Variants in FBXW7 observed in about 807,000 individuals in gnomAD.
FBXW7 encodes F-box/WD repeat-containing protein 7.
FBXW7 carries 11 observed loss-of-function variants against 86.3 expected under a neutral mutation model. The ratio of observed to expected loss-of-function variants is 0.13; its 90% confidence interval spans 0.08 to 0.21. FBXW7 has a LOEUF of 0.21. FBXW7 is among the 10% of genes least tolerant of loss of function. The probability of loss-of-function intolerance (pLI) is 1.00; values close to 1 mark genes in which losing one functional copy is unlikely to be tolerated. For synonymous variants in FBXW7, 313 were observed against 297.9 expected (o/e 1.05, Z -0.52); for missense variants, 488 against 847.4 (o/e 0.58, Z 5.27).
chr4:152,453,705 AT>A (rs1288884789), intron 2 of FBXW7, among the ~76,000 whole-genome samples: 3 of 152,196 alleles, frequency 2.0e-5, no homozygotes, highest in African/African-American at 7.2e-5. Flanking sequence ...ATTTAAGAAC[AT>A]TTTTTAAATG....
intron 2 of FBXW7, among the ~76,000 whole-genome samples, chr4:152,505,364 G>A (rs144506933): frequency 3.9e-4 from 59 of 151,932 alleles, no homozygotes; most frequent in Non-Finnish European, 7.4e-4. Flanking sequence ...TCTTTCTTCC[G>A]TAATAACCTC....
chr4:152,489,664 A>G (rs1427842499), intron 2 of FBXW7, among the ~76,000 whole-genome samples: 1 of 152,122 alleles, frequency 6.6e-6, no homozygotes, highest in African/African-American at 2.4e-5. Context: ...GTTGCAGTTA[A>G]AGTCAACAGG....
At chr4:152,323,529 CA>C (rs1393536911) in intron 13 of FBXW7, 2 of 211,296 alleles carry the variant, frequency 9.5e-6, no homozygotes, top group African/African-American at 4.6e-5. Context: ...ATGAACCACT[CA>C]AAGCTGAACA....
Position 152,535,399 on chromosome 4 carries a change from T to G in FBXW7, c.-485A>C. The G allele has an allele frequency of 2.6e-6, 1 of 380,926 alleles. No homozygotes were observed. The highest frequency in any genetic ancestry group is 3.7e-5 in the East Asian group (1 of 26,982). 23.6% of individuals were successfully genotyped at this position (380,926 alleles called of 1,614,324 possible). On this transcript the variant is annotated 5_prime_UTR_variant, in exon 1 of 14. Coordinates refer to ENST00000281708, the MANE Select transcript of FBXW7 (RefSeq NM_001349798.2). ...AAGGGAGAAGACCCCCGGAGGGGGC[T>G]GAGGGGAGGGGGAAGGTGAGGAAAG...
chr4:152,475,387 G>A (rs577035686), intron 2 of FBXW7, among the ~76,000 whole-genome samples: 2 of 152,008 alleles, frequency 1.3e-5, no homozygotes, highest in African/African-American at 4.8e-5. Flanking sequence ...TGATCATACC[G>A]GTGCACTCCA....
intron 2 of FBXW7, among the ~76,000 whole-genome samples, chr4:152,476,130 C>T (rs545501724): frequency 3.9e-5 from 6 of 152,230 alleles, no homozygotes; most frequent in Admixed American, 6.5e-5. Flanking sequence ...AGGACACACA[C>T]AGAAATCAAC....
chr4:152,507,908 C>T (rs1050564744), intron 2 of FBXW7, among the ~76,000 whole-genome samples: 13 of 149,486 alleles, frequency 8.7e-5, no homozygotes, highest in Admixed American at 4.7e-4. Flanking sequence ...AAAAAAAAGG[C>T]GAAAACTAGC....
At chr4:152,412,760 T>C (rs1461239878) in intron 2 of FBXW7, among the ~76,000 whole-genome samples, 1 of 152,088 alleles carries the variant, frequency 6.6e-6, no homozygotes, top group Non-Finnish European at 1.5e-5. Context: ...GGGAAAATGC[T>C]GGAAATTGTG....
chr4:152,453,039 C>A (rs942372276), intron 2 of FBXW7, among the ~76,000 whole-genome samples: 30 of 152,194 alleles, frequency 2.0e-4, no homozygotes, highest in African/African-American at 7.0e-4. Flanking sequence ...AAAAAATTAG[C>A]CAGGCGTGGT....
intron 2 of FBXW7, among the ~76,000 whole-genome samples, chr4:152,492,971 G>C (rs1376119651): frequency 6.6e-6 from 1 of 151,692 alleles, no homozygotes; most frequent in Non-Finnish European, 1.5e-5. Flanking sequence ...TTCATAAATG[G>C]AAATCAAAGT....
intron 2 of FBXW7, among the ~76,000 whole-genome samples, chr4:152,521,368 G>C (rs1294780742): frequency 6.6e-6 from 1 of 152,094 alleles, no homozygotes; most frequent in Non-Finnish European, 1.5e-5. Context: ...ATTCCAAGCA[G>C]AGGAAACAGC....
chr4:152,461,938 A>T (rs148760462), intron 2 of FBXW7, among the ~76,000 whole-genome samples: 9 of 150,710 alleles, frequency 6.0e-5, no homozygotes, highest in Middle Eastern at 3.4e-3. Context: ...CTGCTTTGTT[A>T]TACAACTGAT....
At chr4:152,361,006 C>T (rs1224845579) in intron 4 of FBXW7, among the ~76,000 whole-genome samples, 2 of 151,852 alleles carry the variant, frequency 1.3e-5, no homozygotes, top group Middle Eastern at 3.2e-3. Flanking sequence ...TAACTTGAAC[C>T]AATCTTTTAA....
rs1237709556 is a variant in FBXW7 at position 152,502,959 on chromosome 4, A to G, written c.-120+31982T>C. Among the ~76,000 whole-genome samples the G allele has an allele frequency of 3.3e-5, 5 of 152,342 alleles. No homozygotes were observed. In the East Asian group the frequency reaches 7.7e-4, roughly 24 times the overall value. The stretch of plus-strand genomic sequence containing the variant: ...GTAAATGTACAACAAACGTGTTTAA[A>G]AGCTTTTTAACAAATCTGGGCTTGT... On this transcript the variant is annotated intron_variant, in intron 2 of 13. Coordinates refer to ENST00000281708, the MANE Select transcript of FBXW7 (RefSeq NM_001349798.2).
chr4:152,363,269 T>C (rs2126706815), intron 4 of FBXW7, among the ~76,000 whole-genome samples: 1 of 152,314 alleles, frequency 6.6e-6, no homozygotes, highest in African/African-American at 2.4e-5. Flanking sequence ...TCAAATGTTA[T>C]ATTTTTAGAT....
chr4:152,462,844 T>C (rs554783797), intron 2 of FBXW7, among the ~76,000 whole-genome samples: 12 of 152,274 alleles, frequency 7.9e-5, no homozygotes, highest in African/African-American at 2.9e-4. Context: ...CCTTGATTTC[T>C]ATTCCTTCCA....
intron 2 of FBXW7, among the ~76,000 whole-genome samples, chr4:152,515,355 G>C (rs1748384090): frequency 6.6e-6 from 1 of 152,204 alleles, no homozygotes; most frequent in Non-Finnish European, 1.5e-5. Flanking sequence ...TAACTGTGAA[G>C]GGGCATGAGG....
At chr4:152,346,622 C>T (rs1731291594) in intron 6 of FBXW7, among the ~76,000 whole-genome samples, 1 of 152,164 alleles carries the variant, frequency 6.6e-6, no homozygotes, top group Non-Finnish European at 1.5e-5. Flanking sequence ...TATCCAATTC[C>T]AGAACACTTC....
intron 2 of FBXW7, among the ~76,000 whole-genome samples, chr4:152,506,833 G>A (rs1341982978): frequency 6.6e-6 from 1 of 152,338 alleles, no homozygotes; most frequent in East Asian, 1.9e-4. Flanking sequence ...ATGTGAGGCT[G>A]ATACTATACT....
Sources: allele counts gnomAD v4.1 joint callset (sites outside exome capture counted in the v4.1 genomes callset), GRCh38; gene constraint gnomAD v4.1.1; transcripts MANE v1.5; gene names NCBI Gene and HGNC (gene_info 2026-07-23, HGNC 2026-07-21).